L3MBTL4: variants seen among roughly 807,000 people sequenced by gnomAD.
The protein encoded by L3MBTL4 is lethal(3)malignant brain tumor-like protein 4.
In L3MBTL4, 70 loss-of-function variants were observed where a neutral mutation model predicts 84.5. That is an observed-to-expected ratio of 0.83 (90% CI 0.68 to 1.01). The LOEUF (loss-of-function observed/expected upper bound fraction) is 1.01, where lower values mean the gene tolerates loss of function less well. Ranked by LOEUF, L3MBTL4 falls within the 50% of genes least tolerant of loss-of-function variation. The pLI, the probability that L3MBTL4 is intolerant of heterozygous loss-of-function variation, is 0.00. For synonymous variants in L3MBTL4, 274 were observed against 259.8 expected, an observed-to-expected ratio of 1.05 and a Z score of -0.52; for missense variants, 715 against 754.8, an observed-to-expected ratio of 0.95 and a Z score of 0.62.
At chr18:6,098,659 A>C (rs1456166008) in intron 14 of L3MBTL4, among the ~76,000 whole-genome samples, 1 of 152,214 alleles carries the variant, frequency 6.6e-6, no homozygotes, top group Non-Finnish European at 1.5e-5. Flanking sequence ...CCTATAGCCC[A>C]GGAATTAGAC....
At chr18:6,361,059 A>C (rs2053673134) in intron 1 of L3MBTL4, among the ~76,000 whole-genome samples, 1 of 151,840 alleles carries the variant, frequency 6.6e-6, no homozygotes, top group Non-Finnish European at 1.5e-5. Flanking sequence ...AGGCAAAGTA[A>C]GTAATAATGA....
At chr18:6,315,614 C>T (rs1409232415) in intron 1 of L3MBTL4, among the ~76,000 whole-genome samples, 2 of 152,202 alleles carry the variant, frequency 1.3e-5, no homozygotes, top group Non-Finnish European at 2.9e-5. Flanking sequence ...TGGGGTCCCT[C>T]TTTGAACACC....
At chr18:6,241,721 C>G (rs923791906) in intron 7 of L3MBTL4, among the ~76,000 whole-genome samples, 3 of 152,168 alleles carry the variant, frequency 2.0e-5, no homozygotes, top group Non-Finnish European at 2.9e-5. Context: ...TAGTGCTTCC[C>G]CATCACGCGC....
intron 12 of L3MBTL4, among the ~76,000 whole-genome samples, chr18:6,197,975 C>T (rs2045482081): frequency 6.6e-6 from 1 of 152,224 alleles, no homozygotes; most frequent in African/African-American, 2.4e-5. Context: ...TCTCTCCCTT[C>T]TCTACTCATC....
chr18:6,215,835 C>A lies in L3MBTL4; in HGVS notation c.785G>T (p.Gly262Val), dbSNP rs773056707. 20 of 1,538,730 alleles carry A rather than the reference C, an allele frequency of 1.3e-5. No homozygotes were observed. The South Asian group carries it at 2.2e-4, about 17-fold the overall frequency. Reference protein sequence around the residue: ...ENGRTLIAPQGYPNPENFSWT... With the variant: ...ENGRTLIAPQVYPNPENFSWT... ...GGAAAAATTTTCTGGATTGGGATAA[C>A]CTGAAAATATATATATATAAATAGC... is the stretch of plus-strand genomic sequence containing the variant. Residue 262 changes from glycine (G) to valine (V), a missense_variant and splice_region_variant, in exon 11 of 19, where the codon GGT (glycine) becomes GTT (valine). Coordinates refer to ENST00000317931, the MANE Select transcript of L3MBTL4 (RefSeq NM_001330559.2).
chr18:6,138,267 G>T lies in L3MBTL4; in HGVS notation c.1126C>A (p.Gln376Lys). 6.2e-7 allele frequency: 1 copy of T among 1,612,704 alleles called. No individual in the cohort carries two copies. Among genetic ancestry groups the T allele is most frequent in the Non-Finnish European group, 8.5e-7 (1 of 1,179,256 alleles). ...CACCCGGGAGTAGGACAGACAGCTT[G>T]ACCTGGAAGGATCTTCAGGTCATTC... ...RTNDLKILPGQAVCPTPGCRG... is the reference protein window; with the variant it reads ...RTNDLKILPGKAVCPTPGCRG... Residue 376 changes from glutamine to lysine, a missense_variant, in exon 14 of 19, where the codon CAA becomes AAA. Transcript: ENST00000317931.
At chr18:6,370,535 C>A (rs939580312) in intron 1 of L3MBTL4, among the ~76,000 whole-genome samples, 6 of 152,182 alleles carry the variant, frequency 3.9e-5, no homozygotes, top group Non-Finnish European at 5.9e-5. Flanking sequence ...CCCTTGGGGG[C>A]CTACAGAACC....
In L3MBTL4 at chr18:6,245,131, C is replaced by T. The variant is rs559108182; in HGVS notation, c.220-543G>A. Among the ~76,000 whole-genome samples the T allele has an allele frequency of 2.6e-5, 4 of 152,192 alleles. No individual in the cohort carries two copies. The South Asian group carries it at 6.2e-4, about 24-fold the overall frequency. On this transcript the variant is annotated intron_variant, in intron 5 of 18. Transcript: ENST00000317931. ...GGCTAGGCTGGTCTTGAACTCCTGA[C>T]CTTGTGATCTACCCGCCTTGGCCTC...
At chr18:5,991,924 C>A (rs1424501612) in intron 16 of L3MBTL4, among the ~76,000 whole-genome samples, 6 of 151,998 alleles carry the variant, frequency 3.9e-5, no homozygotes, top group Non-Finnish European at 8.8e-5. Flanking sequence ...CAACTCTCAC[C>A]GAGAAACCTC....
intron 12 of L3MBTL4, among the ~76,000 whole-genome samples, chr18:6,193,213 G>A (rs984671098): frequency 3.3e-5 from 5 of 151,950 alleles, no homozygotes; most frequent in Admixed American, 1.3e-4. Context: ...TTGAAGGATC[G>A]CCTGCATGTG....
chr18:5,992,716 C>A (rs372383905), intron 16 of L3MBTL4, among the ~76,000 whole-genome samples: 1 of 152,170 alleles, frequency 6.6e-6, no homozygotes. Flanking sequence ...CCTCCACCCC[C>A]ACTCTCTCCC....
chr18:5,961,687 G>A (rs750841592), intron 17 of L3MBTL4, among the ~76,000 whole-genome samples: 13 of 152,118 alleles, frequency 8.5e-5, no homozygotes, highest in South Asian at 2.1e-4. Context: ...CTGCTGGCCC[G>A]GGCTCTTAGT....
chr18:6,313,295 A>C (rs965784631), intron 1 of L3MBTL4, among the ~76,000 whole-genome samples: 6 of 152,222 alleles, frequency 3.9e-5, no homozygotes, highest in Admixed American at 3.9e-4. Flanking sequence ...CCTTAAATCC[A>C]GTGAATATTA....
intron 4 of L3MBTL4, among the ~76,000 whole-genome samples, chr18:6,285,809 ATATTATTATTATTAT>A (rs139613072): frequency 2.1e-5 from 3 of 143,232 alleles, no homozygotes; most frequent in East Asian, 4.1e-4. Context: ...TTTAAAAGAT[ATATTATTATTATTAT>A]TATTATTATT....
At chr18:6,308,063 C>T (rs343240) in intron 3 of L3MBTL4, among the ~76,000 whole-genome samples, 37,739 of 152,018 alleles carry the variant, frequency 0.25, 5,713 homozygotes, top group African/African-American at 0.42. Flanking sequence ...CCAATCACCA[C>T]GTGCCTACTT....
At chr18:6,236,195 C>T (rs1157737589) in intron 10 of L3MBTL4, among the ~76,000 whole-genome samples, 2 of 152,114 alleles carry the variant, frequency 1.3e-5, no homozygotes, top group African/African-American at 4.8e-5. Flanking sequence ...AAATTTACTA[C>T]AAAGCTACAG....
intron 12 of L3MBTL4, among the ~76,000 whole-genome samples, chr18:6,198,432 G>T (rs951934480): frequency 2.6e-5 from 4 of 152,310 alleles, no homozygotes; most frequent in Middle Eastern, 3.4e-3. Flanking sequence ...GGGATTTCAT[G>T]TCTAAGGAAG....
intron 5 of L3MBTL4, among the ~76,000 whole-genome samples, chr18:6,252,748 T>C (rs2047978823): frequency 6.6e-6 from 1 of 152,188 alleles, no homozygotes; most frequent in Admixed American, 6.5e-5. Flanking sequence ...CAGCAAAAGA[T>C]GCAAAAAATA....
intron 14 of L3MBTL4, among the ~76,000 whole-genome samples, chr18:6,130,185 C>T (rs1432934206): frequency 4.6e-5 from 7 of 152,092 alleles, no homozygotes; most frequent in South Asian, 4.1e-4. Flanking sequence ...GCAGAGTGAG[C>T]GGTCAGTCTG....
Sources: gnomAD v4.1 joint callset for allele counts (sites outside exome capture counted in the v4.1 genomes callset) on GRCh38, gnomAD v4.1.1 for gene constraint, MANE v1.5 for transcripts, NCBI Gene and HGNC (gene_info 2026-07-23, HGNC 2026-07-21) for gene names.